Variants in LAIR2 observed in about 807,000 individuals in gnomAD.
LAIR2 encodes the protein leukocyte associated immunoglobulin like receptor 2, also known as leukocyte-associated immunoglobulin-like receptor 2.
In LAIR2, 14 loss-of-function variants were observed where a neutral mutation model predicts 14.8. The ratio of observed to expected loss-of-function variants is 0.95; its 90% CI spans 0.62 to 1.48. The LOEUF is 1.48. Ranked by LOEUF, LAIR2 falls within the 40% of genes most tolerant of loss-of-function variation. The pLI, the probability that LAIR2 is intolerant of heterozygous loss-of-function variation, is 0.00. For missense variants in LAIR2, 172 were observed against 180.9 expected, an observed-to-expected ratio of 0.95 and a Z score of 0.28; for synonymous variants, 75 against 74.5, an observed-to-expected ratio of 1.01 and a Z score of -0.03.
In LAIR2 at chr19:54,502,949, C is replaced by A. The variant is rs781239006; in HGVS notation, c.31C>A (p.Leu11Ile). ...TCCACACCTCACTGCTCTCCTGGGC[C>A]TAGGTGAGTCCTGGAGGGAGCGGGA... MSPHLTALLG[L>I]VLCLAQTIHT... is the part of the protein sequence containing the mutation. The change falls in exon 1 of 5, where the codon CTA (leucine) becomes ATA (isoleucine). Residue 11 changes from leucine (L) to isoleucine (I), a missense_variant. By Grantham distance (5) the Leu-to-Ile change is conservative. Coordinates refer to ENST00000301202, the MANE Select transcript of LAIR2 (RefSeq NM_002288.6). The A allele has an allele frequency of 6.2e-7, 1 of 1,613,642 alleles. No homozygotes were observed. Among genetic ancestry groups the A allele is most frequent in the South Asian group, 1.1e-5 (1 of 91,010 alleles).
At chr19:54,503,773 T>C in intron 2 of LAIR2, 38 bp downstream of exon 2, 3 of 1,614,040 alleles carry the variant, frequency 1.9e-6, no homozygotes, top group Non-Finnish European at 2.5e-6. Flanking sequence ...CAGTCCCCTC[T>C]GTCACCCCAA....
chr19:54,508,285 C>A, intron 3 of LAIR2, 101 bp downstream of exon 3: 1 of 1,200,966 alleles, frequency 8.3e-7, no homozygotes, highest in Non-Finnish European at 1.2e-6. Flanking sequence ...TCTCTGTGGC[C>A]ACCGTTGCCC....
intron 1 of LAIR2, among the ~76,000 whole-genome samples, chr19:54,503,328 G>A (rs1199164833): frequency 6.6e-6 from 1 of 151,938 alleles, no homozygotes; most frequent in African/African-American, 2.4e-5. Flanking sequence ...CATGGTGGCG[G>A]GCACCTGTAA....
intron 3 of LAIR2, among the ~76,000 whole-genome samples, 174 bp from the exon 4 acceptor site, chr19:54,508,861 G>C (rs546969067): frequency 2.0e-5 from 3 of 152,234 alleles, no homozygotes; most frequent in Admixed American, 2.0e-4. Context: ...GGGAGAATGG[G>C]GCAAGCAGCG....
In LAIR2 at chr19:54,502,849, A is replaced by T; in HGVS notation, c.-70A>T. On this transcript the variant is annotated 5_prime_UTR_variant, in exon 1 of 5. Coordinates refer to ENST00000301202, the MANE Select transcript of LAIR2 (RefSeq NM_002288.6). The stretch of plus-strand genomic sequence containing the variant: ...GTGAGGCAGTTGCTGTGGAAGCCCC[A>T]CGGGCAGGAGGCCCCCGGCCAGCAC... The T allele has an allele frequency of 6.3e-7, 1 of 1,597,766 alleles. No individual in the cohort carries two copies. The highest frequency in any genetic ancestry group is 1.7e-5 in the Admixed American group (1 of 59,990).
chr19:54,503,538 T>C (rs1428808575), intron 1 of LAIR2, among the ~76,000 whole-genome samples, 162 bp from the exon 2 acceptor site: 1 of 152,184 alleles, frequency 6.6e-6, no homozygotes, highest in Non-Finnish European at 1.5e-5. Context: ...TGAAACCATT[T>C]TGCAGCAAGA....
chr19:54,505,888 C>G (rs1339878944), intron 2 of LAIR2, among the ~76,000 whole-genome samples: 1 of 149,724 alleles, frequency 6.7e-6, no homozygotes, highest in African/African-American at 2.5e-5. Context: ...ATGGCTCGGT[C>G]TTGGCTTACT....
At chr19:54,504,934 A>T (rs1468003845) in intron 2 of LAIR2, among the ~76,000 whole-genome samples, 4 of 152,128 alleles carry the variant, frequency 2.6e-5, no homozygotes, top group African/African-American at 9.7e-5. Context: ...TAGATTCCAC[A>T]TGCGGTATTT....
In LAIR2 at chr19:54,503,084, T is replaced by C. The variant is rs2085304454; in HGVS notation, c.34+132T>C. On this transcript the variant is annotated intron_variant, in intron 1 of 4. Coordinates refer to ENST00000301202, the MANE Select transcript of LAIR2 (RefSeq NM_002288.6). ...CCTCCTCCCCCCAAGACTGCCCTAC[T>C]GCTCTCCCTGGGGCCTAAGTCTGAT... The C allele has an allele frequency of 8.3e-6, 7 of 838,610 alleles. No homozygotes were observed. The South Asian group carries it at 9.8e-5, about 12-fold the overall frequency. 51.9% of individuals were successfully genotyped at this position (838,610 alleles called of 1,614,324 possible).
Position 54,507,840 on chromosome 19 carries a change from A to G in LAIR2, c.71-51A>G, listed in dbSNP as rs758892395. The G allele has an allele frequency of 6.5e-6, 10 of 1,533,370 alleles. No homozygotes were observed. In the East Asian group the frequency reaches 2.0e-4, roughly 31 times the overall value. The allele number at this position is 1,533,370 out of a possible 1,614,324, so 95.0% of individuals were successfully genotyped here. A position where few individuals can be genotyped will look rare whatever the true frequency, so the allele number is the denominator to read the frequency against. The stretch of plus-strand genomic sequence containing the variant: ...GTGATCCTAAAATGACGTGTGTGGC[A>G]TGGTGACTTCCTACAGTGGACGCTG... On this transcript the variant is annotated intron_variant, in intron 2 of 4. Coordinates refer to ENST00000301202, the MANE Select transcript of LAIR2 (RefSeq NM_002288.6).
At position 54,506,636 on chromosome 19, in the gene LAIR2, C is replaced by A. The variant is rs4806769; in HGVS notation, c.71-1255C>A. ...ATTTGGACAATTCTTCGATCAATATCTGTCCTCCCTTCTAGACGTCCACCT... is the reference window on the plus strand; with the variant it reads ...ATTTGGACAATTCTTCGATCAATATATGTCCTCCCTTCTAGACGTCCACCT... On this transcript the variant is annotated intron_variant, in intron 2 of 4. Coordinates refer to ENST00000301202, the MANE Select transcript of LAIR2 (RefSeq NM_002288.6). 1.6e-3 allele frequency among the ~76,000 whole-genome samples: 246 copies of A among 152,348 alleles called. 1 individual carries two copies. In the Middle Eastern group the frequency reaches 0.017, roughly 11 times the overall value.
At chr19:54,506,700 C>G (rs547067808) in intron 2 of LAIR2, among the ~76,000 whole-genome samples, 1 of 152,098 alleles carries the variant, frequency 6.6e-6, no homozygotes, top group African/African-American at 2.4e-5. Context: ...CTCACATTTG[C>G]GGAATTAGCA....
chr19:54,503,097 G>A, intron 1 of LAIR2, 145 bp downstream of exon 1: 1 of 786,200 alleles, frequency 1.3e-6, no homozygotes, highest in African/African-American at 1.7e-5. Context: ...TCTCCCTGGG[G>A]CCTAAGTCTG....
chr19:54,503,940 T>G (rs774362221), intron 2 of LAIR2, among the ~76,000 whole-genome samples: 1 of 152,092 alleles, frequency 6.6e-6, no homozygotes, highest in Non-Finnish European at 1.5e-5. Flanking sequence ...TTTTCTTATT[T>G]TCAAAAATCC....
chr19:54,510,374 T>G, intron 4 of LAIR2, 152 bp from the exon 5 acceptor site: 3 of 595,212 alleles, frequency 5.0e-6, no homozygotes, highest in South Asian at 4.8e-5. Context: ...AAATTCCTCA[T>G]GTGAAACAGA....
intron 3 of LAIR2, 125 bp downstream of exon 3, chr19:54,508,309 A>C: frequency 1.1e-6 from 1 of 898,896 alleles, no homozygotes; most frequent in Non-Finnish European, 1.7e-6. Context: ...TCCTGACCCC[A>C]AGCCCTCCCC....
chr19:54,504,903 C>T (rs140988718), intron 2 of LAIR2, among the ~76,000 whole-genome samples: 142 of 152,334 alleles, frequency 9.3e-4, no homozygotes, highest in Non-Finnish European at 1.8e-3. Context: ...AGCCACTGCA[C>T]CCGGCCGAGA....
Position 54,507,995 on chromosome 19 carries a change from C to T in LAIR2, c.175C>T (p.Arg59Cys), listed in dbSNP as rs763891376. The change falls in exon 3 of 5, where the codon CGC (arginine) becomes TGC (cysteine). Residue 59 changes from arginine to cysteine, a missense_variant. This residue lies in a region of LAIR2 where 161 missense variants were observed against 149.0 expected (regional missense o/e 1.08). Coordinates refer to ENST00000301202, the MANE Select transcript of LAIR2 (RefSeq NM_002288.6). ...GGGCCCGGTTGGGGTTCAAACATTC[C>T]GCCTGGAGAGGGAGGATAGAGCCAA... ...CRGPVGVQTF[R>C]LEREDRAKYK... 8.1e-6 allele frequency: 13 copies of T among 1,614,122 alleles called. No individual in the cohort carries two copies. Among genetic ancestry groups the T allele is most frequent in the Middle Eastern group, 1.6e-4 (1 of 6,062 alleles).
chr19:54,503,698 A>C lies in LAIR2; in HGVS notation c.35-2A>C, dbSNP rs199920272. 1.3e-4 allele frequency: 214 copies of C among 1,613,962 alleles called. 1 individual carries two copies. The East Asian group carries it at 3.7e-3, about 28-fold the overall frequency. The stretch of plus-strand genomic sequence containing the variant: ...TTTTTCTCACTGGGGCTTCTCTTCC[A>C]GTGCTCTGCCTGGCCCAGACCATCC... On this transcript the variant is annotated splice_acceptor_variant, in intron 1 of 4. Coordinates refer to ENST00000301202, the MANE Select transcript of LAIR2 (RefSeq NM_002288.6). LOFTEE classifies it high-confidence loss of function.
Sources: gnomAD v4.1 joint callset for allele counts (sites outside exome capture counted in the v4.1 genomes callset) on GRCh38, gnomAD v4.1.1 for gene constraint, gnomAD v4.1.1 regional missense constraint, MANE v1.5 for transcripts, NCBI Gene and HGNC (gene_info 2026-07-23, HGNC 2026-07-21) for gene names.